The following CSF1R variants were observed in gnomAD, a reference collection of about 807,000 sequenced individuals.
The protein encoded by CSF1R is macrophage colony-stimulating factor 1 receptor.
Under a neutral mutation model 110.0 loss-of-function variants are expected in CSF1R, and 40 were observed. That is an observed-to-expected ratio of 0.36 (90% CI 0.28 to 0.47). The LOEUF is 0.47. CSF1R is among the 20% of genes least tolerant of loss of function. CSF1R has a pLI of 0.99. For synonymous variants in CSF1R, 523 were observed against 503.4 expected (o/e 1.04, Z -0.52); for missense variants, 1,052 against 1,253.0 (o/e 0.84, Z 2.42).
intron 1 of CSF1R, among the ~76,000 whole-genome samples, chr5:150,091,722 T>C (rs1581339415): frequency 6.6e-6 from 1 of 152,094 alleles, no homozygotes; most frequent in Admixed American, 6.5e-5. Context: ...CTAAATGCCG[T>C]TGTACACCTT....
At chr5:150,111,199 C>A (rs925365102) in intron 1 of CSF1R, among the ~76,000 whole-genome samples, 3 of 152,222 alleles carry the variant, frequency 2.0e-5, no homozygotes, top group Non-Finnish European at 4.4e-5. Context: ...AGACCCTCAT[C>A]AGCTGCAGGT....
intron 1 of CSF1R, among the ~76,000 whole-genome samples, chr5:150,084,734 G>A (rs561539925): frequency 6.6e-6 from 1 of 151,894 alleles, no homozygotes; most frequent in Non-Finnish European, 1.5e-5. Flanking sequence ...TTACAGGTGT[G>A]AGCCACCATG....
intron 1 of CSF1R, among the ~76,000 whole-genome samples, chr5:150,111,282 G>T (rs1759709947): frequency 6.6e-6 from 1 of 152,126 alleles, no homozygotes. Flanking sequence ...GGCCGTGAGT[G>T]GGGTGGCGGA....
At chr5:150,110,065 T>C (rs985224227) in intron 1 of CSF1R, among the ~76,000 whole-genome samples, 12 of 152,040 alleles carry the variant, frequency 7.9e-5, no homozygotes, top group Admixed American at 6.5e-4. Flanking sequence ...TCCTAATCAG[T>C]TCACATCTGT....
intron 10 of CSF1R, among the ~76,000 whole-genome samples, chr5:150,063,075 G>T (rs1186677709): frequency 6.6e-6 from 1 of 151,956 alleles, no homozygotes; most frequent in African/African-American, 2.4e-5. Context: ...GGCATGCAGT[G>T]GGGGCAGTCT....
upstream of CSF1R, among the ~76,000 whole-genome samples, chr5:150,087,063 A>G (rs576758904): frequency 5.3e-5 from 8 of 152,226 alleles, no homozygotes; most frequent in Non-Finnish European, 1.2e-4. Flanking sequence ...CTGCAGCCTC[A>G]AACTCCTGGC....
chr5:150,088,148 T>C (rs897217952), upstream of CSF1R, among the ~76,000 whole-genome samples: 5 of 152,222 alleles, frequency 3.3e-5, no homozygotes, highest in Non-Finnish European at 7.3e-5. Context: ...TGTATGTATA[T>C]TTATGAGTGT....
At chr5:150,077,766 T>A (rs1758335395) in intron 4 of CSF1R, among the ~76,000 whole-genome samples, 1 of 152,186 alleles carries the variant, frequency 6.6e-6, no homozygotes, top group African/African-American at 2.4e-5. Context: ...AGCTGTTATA[T>A]TCCTGGGCTT....
intron 5 of CSF1R, 37 bp downstream of exon 5, chr5:150,077,229 CTCCTGCAGGA>C: frequency 1.2e-6 from 2 of 1,612,352 alleles, no homozygotes; most frequent in Non-Finnish European, 1.7e-6. Context: ...TCTGCTCACA[CTCCTGCAGGA>C]TCCCTACCGA....
chr5:150,061,004 G>A, intron 12 of CSF1R, 32 bp from the exon 13 acceptor site: 2 of 1,477,776 alleles, frequency 1.4e-6, no homozygotes, highest in Non-Finnish European at 1.9e-6. Flanking sequence ...CCAAAGACAG[G>A]GAGAGGGCAG....
At chr5:150,060,777 G>A (rs1757472429) in intron 13 of CSF1R, 85 bp downstream of exon 13, 1 of 810,108 alleles carries the variant, frequency 1.2e-6, no homozygotes, top group South Asian at 1.7e-5. Context: ...TCCTGAGAAG[G>A]AGAAGACGGA....
intron 4 of CSF1R, among the ~76,000 whole-genome samples, chr5:150,077,653 G>T (rs1370885630): frequency 6.6e-6 from 1 of 152,152 alleles, no homozygotes; most frequent in Non-Finnish European, 1.5e-5. Flanking sequence ...TCTGGAACAC[G>T]GCAGGTGCAG....
chr5:150,072,600 C>G (rs1201777796), intron 6 of CSF1R, among the ~76,000 whole-genome samples: 1 of 152,082 alleles, frequency 6.6e-6, no homozygotes, highest in Non-Finnish European at 1.5e-5. Flanking sequence ...TATTTAGAAC[C>G]TACCTGCTTA....
At chr5:150,097,403 G>A (rs1269465631) in intron 1 of CSF1R, among the ~76,000 whole-genome samples, 1 of 144,280 alleles carries the variant, frequency 6.9e-6, no homozygotes, top group South Asian at 2.2e-4. Flanking sequence ...GAAAGAAGAA[G>A]AAAGAAAGAA....
At chr5:150,100,833 T>C (rs1429252485) in intron 1 of CSF1R, among the ~76,000 whole-genome samples, 3 of 152,192 alleles carry the variant, frequency 2.0e-5, no homozygotes, top group African/African-American at 7.2e-5. Context: ...CCATCAATAA[T>C]AGAATAGTAA....
rs777093657 is a variant in CSF1R, at chr5:150,054,344, G to T, written c.2741C>A (p.Ala914Asp). ...CACCCGCTCTCTCCTGTCCTCTTGG[G>T]CCTGCTCCTGAAGGAAGGAGCAGAT... is the stretch of plus-strand genomic sequence containing the variant. Reference protein sequence around the residue: ...QQICSFLQEQAQEDRRERDYT... With the variant: ...QQICSFLQEQDQEDRRERDYT... Residue 914 changes from alanine to aspartate, a missense_variant, in exon 20 of 21, where the codon GCC becomes GAC. Physicochemically the swap from Ala to Asp is moderately radical, Grantham distance 126. Coordinates refer to ENST00000675795, the MANE Select transcript of CSF1R (RefSeq NM_001288705.3). The T allele has an allele frequency of 6.2e-7, 1 of 1,614,102 alleles. No individual in the cohort carries two copies.
At chr5:150,084,457 A>AGGAG (rs1416730815) in intron 1 of CSF1R, among the ~76,000 whole-genome samples, 1 of 87,288 alleles carries the variant, frequency 1.1e-5, no homozygotes, top group South Asian at 3.2e-4. Context: ...GAAGGAAGGA[A>AGGAG]GAAAGAAAGG....
upstream of CSF1R, among the ~76,000 whole-genome samples, chr5:150,086,912 CT>C (rs200272825): frequency 4.9e-3 from 752 of 152,290 alleles, 6 homozygotes; most frequent in African/African-American, 0.017. Context: ...TTTCTTTACC[CT>C]GATGTCCTGG....
At chr5:150,066,215 C>A (rs1044672977) in intron 10 of CSF1R, among the ~76,000 whole-genome samples, 1 of 152,144 alleles carries the variant, frequency 6.6e-6, no homozygotes, top group Non-Finnish European at 1.5e-5. Flanking sequence ...CAAGAGTGTG[C>A]AGCTCCCATC....
Sources: allele counts gnomAD v4.1 joint callset (sites outside exome capture counted in the v4.1 genomes callset), GRCh38; gene constraint gnomAD v4.1.1; transcripts MANE v1.5; gene names NCBI Gene and HGNC (gene_info 2026-07-23, HGNC 2026-07-21).